Variants in PSMA8 observed in about 807,000 individuals in gnomAD.
PSMA8 encodes proteasome 20S subunit alpha 8, also known as proteasome subunit alpha-type 8.
In PSMA8, 18 loss-of-function variants were observed where a neutral mutation model predicts 32.4. The ratio of observed to expected loss-of-function variants is 0.56; its 90% CI spans 0.38 to 0.82. The LOEUF (loss-of-function observed/expected upper bound fraction) is 0.82. PSMA8 is among the 40% of genes least tolerant of loss of function. The pLI is 0.00. For synonymous variants in PSMA8, 104 were observed against 98.1 expected (o/e 1.06, Z -0.36); for missense variants, 298 against 300.7 (o/e 0.99, Z 0.07).
intron 2 of PSMA8, among the ~76,000 whole-genome samples, chr18:26,148,312 A>G (rs1378762141): frequency 6.6e-6 from 1 of 152,078 alleles, no homozygotes; most frequent in East Asian, 1.9e-4. Context: ...AAATAATAAT[A>G]CATCATGACC....
chr18:26,148,231 G>A (rs34503500), intron 2 of PSMA8, among the ~76,000 whole-genome samples: 7,903 of 152,000 alleles, frequency 0.052, 229 homozygotes, highest in East Asian at 0.12. Flanking sequence ...GAAAACTATA[G>A]ACAAATATCC....
chr18:26,178,567 A>T (rs755525502), intron 4 of PSMA8, among the ~76,000 whole-genome samples: 12 of 152,198 alleles, frequency 7.9e-5, no homozygotes, highest in Admixed American at 1.3e-4. Flanking sequence ...CCACTACTGC[A>T]CTCCAGCCTG....
At chr18:26,145,846 G>A (rs2054998595) in intron 2 of PSMA8, among the ~76,000 whole-genome samples, 1 of 152,134 alleles carries the variant, frequency 6.6e-6, no homozygotes, top group Admixed American at 6.5e-5. Context: ...TTGAGTGAAA[G>A]TAGGATTTCA....
At chr18:26,177,895 C>T (rs1207560726) in intron 4 of PSMA8, among the ~76,000 whole-genome samples, 1 of 152,156 alleles carries the variant, frequency 6.6e-6, no homozygotes, top group African/African-American at 2.4e-5. Context: ...TGCCTCTCCA[C>T]ATCTTTTCAA....
At chr18:26,143,195 G>A (rs1250815246) in intron 1 of PSMA8, among the ~76,000 whole-genome samples, 1 of 152,102 alleles carries the variant, frequency 6.6e-6, no homozygotes, top group East Asian at 1.9e-4. Context: ...CCCACCGAAG[G>A]CCACTCTATA....
intron 4 of PSMA8, among the ~76,000 whole-genome samples, chr18:26,160,804 T>C (rs2055129404): frequency 6.6e-6 from 1 of 152,214 alleles, no homozygotes; most frequent in African/African-American, 2.4e-5. Context: ...AAATAGCTAA[T>C]ACCAGCAGTT....
intron 4 of PSMA8, among the ~76,000 whole-genome samples, chr18:26,168,985 T>C (rs1415062796): frequency 7.8e-6 from 1 of 127,536 alleles, no homozygotes; most frequent in Non-Finnish European, 1.5e-5. Flanking sequence ...GTTCCATTGT[T>C]TTCAGATTCC....
chr18:26,163,592 C>T (rs369940957), intron 4 of PSMA8, among the ~76,000 whole-genome samples: 112 of 152,256 alleles, frequency 7.4e-4, no homozygotes, highest in Non-Finnish European at 1.2e-3. Flanking sequence ...TGAGCACCAA[C>T]GTGACTACGC....
At chr18:26,173,915 G>A (rs1384579123) in intron 4 of PSMA8, among the ~76,000 whole-genome samples, 1 of 151,860 alleles carries the variant, frequency 6.6e-6, no homozygotes, top group Non-Finnish European at 1.5e-5. Context: ...TTATATACAA[G>A]GTGGTCATAC....
intron 4 of PSMA8, among the ~76,000 whole-genome samples, chr18:26,177,046 C>G (rs2055269553): frequency 6.6e-6 from 1 of 152,068 alleles, no homozygotes; most frequent in Admixed American, 6.6e-5. Context: ...TGTAATCATC[C>G]TAGGAAAGGG....
In PSMA8 at chr18:26,192,451, T is replaced by G. The variant is rs1204706798; in HGVS notation, c.*40T>G. ...ACTGGGAGGTCTTAATGTTTTGTTT[T>G]ATTGTACTGCCTGAGGTTGTTTAGT... On this transcript the variant is annotated 3_prime_UTR_variant, in exon 7 of 7. Transcript: ENST00000415576. 1 of 1,507,142 alleles carries G rather than the reference T, an allele frequency of 6.6e-7. No individual in the cohort carries two copies. Among genetic ancestry groups the G allele is most frequent in the African/African-American group, 1.5e-5 (1 of 68,484 alleles). 93.4% of individuals were successfully genotyped at this position (1,507,142 alleles called of 1,614,324 possible). A position where few individuals can be genotyped will look rare whatever the true frequency, so the allele number is the denominator to read the frequency against.
At chr18:26,174,856 C>G (rs1194264672) in intron 4 of PSMA8, among the ~76,000 whole-genome samples, 1 of 152,156 alleles carries the variant, frequency 6.6e-6, no homozygotes, top group Admixed American at 6.5e-5. Flanking sequence ...TGCTAAAAAG[C>G]ATTTAAATCT....
chr18:26,175,982 A>G (rs1223089390), intron 4 of PSMA8, among the ~76,000 whole-genome samples: 1 of 152,188 alleles, frequency 6.6e-6, no homozygotes, highest in Non-Finnish European at 1.5e-5. Flanking sequence ...CATTGCCTAG[A>G]GTTCTGTCAC....
Position 26,168,497 on chromosome 18 carries a change from T to G in PSMA8, c.477+10253T>G, listed in dbSNP as rs1342076119. Among the ~76,000 whole-genome samples the G allele has an allele frequency of 2.4e-5, 3 of 125,896 alleles. 1 individual carries two copies. The highest frequency in any genetic ancestry group is 7.9e-5 in the Admixed American group (1 of 12,640). 82.6% of individuals were successfully genotyped at this position (125,896 alleles called of 152,430 possible). A position where few individuals can be genotyped will look rare whatever the true frequency, so the allele number is the denominator to read the frequency against. On this transcript the variant is annotated intron_variant, in intron 4 of 6. Coordinates refer to ENST00000415576, the MANE Select transcript of PSMA8 (RefSeq NM_001025096.2). ...CCAACCCTTTCCCCTTGTTTTTTTT[T>G]TTTTTTTTTTTTTACTTTTGCTTTA...
Position 26,133,899 on chromosome 18 carries a change from G to C in PSMA8, c.-67G>C. The C allele has an allele frequency of 7.2e-7, 1 of 1,379,472 alleles. No individual in the cohort carries two copies. The allele number at this position is 1,379,472 out of a possible 1,614,324, so 85.5% of individuals were successfully genotyped here. The stretch of plus-strand genomic sequence containing the variant: ...CGGGCGGTAGCACGCTGTGTTGGCG[G>C]CGGCTCCCCGCTTGCCTCAGCTGCA... On this transcript the variant is annotated 5_prime_UTR_variant, in exon 1 of 7. Coordinates refer to ENST00000415576, the MANE Select transcript of PSMA8 (RefSeq NM_001025096.2).
At chr18:26,156,395 A>T (rs2055089282) in intron 3 of PSMA8, among the ~76,000 whole-genome samples, 1 of 152,152 alleles carries the variant, frequency 6.6e-6, no homozygotes, top group Non-Finnish European at 1.5e-5. Flanking sequence ...TAGGGAAGAT[A>T]TACAACCAGC....
chr18:26,149,316 A>G, intron 2 of PSMA8, among the ~76,000 whole-genome samples: 1 of 152,196 alleles, frequency 6.6e-6, no homozygotes, highest in East Asian at 1.9e-4. Context: ...AAAAAGACAC[A>G]AATGGAAAGA....
intron 6 of PSMA8, among the ~76,000 whole-genome samples, chr18:26,185,572 G>GAC (rs1379520610): frequency 4.0e-5 from 6 of 150,782 alleles, no homozygotes; most frequent in South Asian, 4.2e-4. Context: ...GAAGACTGAA[G>GAC]ACATCCTTAG....
chr18:26,162,337 T>C (rs1463609362), intron 4 of PSMA8, among the ~76,000 whole-genome samples: 2 of 152,122 alleles, frequency 1.3e-5, no homozygotes, highest in East Asian at 3.9e-4. Context: ...CCTCCCCTGT[T>C]AACCACCATT....
Sources: gnomAD v4.1 joint callset for allele counts (sites outside exome capture counted in the v4.1 genomes callset) on GRCh38, gnomAD v4.1.1 for gene constraint, MANE v1.5 for transcripts, NCBI Gene and HGNC (gene_info 2026-07-23, HGNC 2026-07-21) for gene names.